The following MYO5C variants were observed in gnomAD, a reference collection of about 807,000 sequenced individuals.
The protein encoded by MYO5C is myosin VC.
A neutral mutation model predicts 235.7 loss-of-function variants in MYO5C; 194 were observed. That is an observed-to-expected ratio of 0.82 (90% confidence interval 0.73 to 0.93). The LOEUF is 0.93. Ranked by LOEUF, MYO5C falls within the 40% of genes least tolerant of loss-of-function variation. The probability of loss-of-function intolerance (pLI) is 0.00; values close to 1 mark genes in which losing one functional copy is unlikely to be tolerated. For missense variants in MYO5C, 2,038 were observed against 2,127.2 expected (o/e 0.96, Z 0.82); for synonymous variants, 707 against 754.8 (o/e 0.94, Z 1.04).
At chr15:52,241,250 C>CT (rs71130143) in intron 20 of MYO5C, among the ~76,000 whole-genome samples, 28 of 59,624 alleles carry the variant, frequency 4.7e-4, no homozygotes, top group African/African-American at 1.5e-3. Flanking sequence ...GTGGGCTAAT[C>CT]TTTTTTTTTT....
intron 1 of MYO5C, among the ~76,000 whole-genome samples, chr15:52,288,154 T>C (rs1056110036): frequency 6.6e-6 from 1 of 152,048 alleles, no homozygotes. Context: ...AGCCCCTAAC[T>C]GAAGCCCAGA....
intron 1 of MYO5C, among the ~76,000 whole-genome samples, chr15:52,283,541 G>A (rs1180852709): frequency 1.3e-5 from 2 of 152,262 alleles, no homozygotes; most frequent in South Asian, 2.1e-4. Flanking sequence ...GTAGAACCAC[G>A]TTGCTGTGGG....
chr15:52,280,495 C>T (rs902474897), intron 2 of MYO5C, among the ~76,000 whole-genome samples: 1 of 152,260 alleles, frequency 6.6e-6, no homozygotes, highest in Admixed American at 6.5e-5. Flanking sequence ...AATTCCTACA[C>T]TCCCATTTCA....
intron 24 of MYO5C, among the ~76,000 whole-genome samples, chr15:52,229,807 A>G (rs1454051152): frequency 6.6e-6 from 1 of 152,192 alleles, no homozygotes; most frequent in Non-Finnish European, 1.5e-5. Context: ...GTTAAAGACA[A>G]CTTCTTACAC....
chr15:52,193,911 A>T lies in MYO5C; in HGVS notation c.5220T>A (p.Asn1740Lys). The T allele has an allele frequency of 6.2e-7, 1 of 1,612,898 alleles. No homozygotes were observed. Among genetic ancestry groups the T allele is most frequent in the Non-Finnish European group, 8.5e-7 (1 of 1,179,682 alleles). ...TTGACTTTTTCTCCTGCTATAACCT[A>T]TTCAGAAAGCCTAGCTTGAAACTGC... is the stretch of plus-strand genomic sequence containing the variant. ...IPSSFKLGFL[N>K]RL The change falls in exon 41 of 41, where the codon AAT becomes AAA. Residue 1740 changes from asparagine (N) to lysine (K), a missense_variant. Asn to Lys is a moderately conservative substitution (Grantham distance 94). Transcript: ENST00000261839.
intron 3 of MYO5C, among the ~76,000 whole-genome samples, chr15:52,279,265 A>G (rs1331584988): frequency 1.3e-5 from 2 of 152,296 alleles, no homozygotes; most frequent in Non-Finnish European, 2.9e-5. Context: ...AGTGTAAGTA[A>G]TATCATTGCC....
chr15:52,214,019 A>T (rs1332259114), intron 33 of MYO5C, among the ~76,000 whole-genome samples: 1 of 152,216 alleles, frequency 6.6e-6, no homozygotes, highest in African/African-American at 2.4e-5. Flanking sequence ...AACAAGATAC[A>T]GCCTTGGCAG....
chr15:52,197,559 T>C (rs1457896470), intron 38 of MYO5C, among the ~76,000 whole-genome samples: 5 of 152,212 alleles, frequency 3.3e-5, no homozygotes, highest in African/African-American at 1.2e-4. Flanking sequence ...GAAAATGTTC[T>C]ATAATTACAT....
chr15:52,213,398 G>T, intron 33 of MYO5C, 112 bp from the exon 34 acceptor site: 1 of 717,948 alleles, frequency 1.4e-6, no homozygotes, highest in Non-Finnish European at 2.5e-6. Flanking sequence ...AATGTCTGTG[G>T]CTTTCAGATA....
intron 1 of MYO5C, among the ~76,000 whole-genome samples, chr15:52,292,846 A>G (rs1361294475): frequency 6.6e-6 from 1 of 152,258 alleles, no homozygotes; most frequent in Non-Finnish European, 1.5e-5. Context: ...GGTGACAGAC[A>G]GAGGCTCAGA....
chr15:52,267,229 G>A (rs62015969), intron 8 of MYO5C, among the ~76,000 whole-genome samples: 10 of 152,252 alleles, frequency 6.6e-5, no homozygotes, highest in African/African-American at 2.2e-4. Flanking sequence ...TTTACTCAAA[G>A]TATGGTGAGG....
intron 4 of MYO5C, among the ~76,000 whole-genome samples, chr15:52,277,378 C>A (rs570785268): frequency 1.3e-5 from 2 of 152,122 alleles, no homozygotes; most frequent in South Asian, 4.2e-4. Flanking sequence ...ACCTGGGAGA[C>A]CTACAGGGAG....
chr15:52,256,594 C>CGCGCGCGA (rs756003028), intron 11 of MYO5C, 45 bp downstream of exon 11: 1 of 1,469,794 alleles, frequency 6.8e-7, no homozygotes, highest in South Asian at 1.2e-5. Context: ...CACACGCGCG[C>CGCGCGCGA]GCGCGCGGCT....
At chr15:52,278,538 T>TA (rs67156072) in intron 4 of MYO5C, among the ~76,000 whole-genome samples, 9,148 of 137,232 alleles carry the variant, frequency 0.067, 875 homozygotes, top group East Asian at 0.49. Context: ...CTGCAATGGG[T>TA]AAAAAAAAAA....
chr15:52,228,296 A>G (rs2035874436), intron 25 of MYO5C, among the ~76,000 whole-genome samples: 3 of 152,132 alleles, frequency 2.0e-5, no homozygotes, highest in South Asian at 4.1e-4. Context: ...GGCACCTGCC[A>G]CCACGCCCAG....
At position 52,195,503 on chromosome 15, in the gene MYO5C, C is replaced by T. The variant is rs189220576; in HGVS notation, c.4996-46G>A. ...GGTGTTAGACCATGCAAAATAATAA[C>T]TCTGTTCATAAAATAATGGTTCTGG... On this transcript the variant is annotated intron_variant, in intron 39 of 40. Coordinates refer to ENST00000261839, the MANE Select transcript of MYO5C (RefSeq NM_018728.4). 42 of 1,309,412 alleles carry T rather than the reference C, an allele frequency of 3.2e-5. No homozygotes were observed. The Admixed American group carries it at 7.7e-4, about 24-fold the overall frequency. 81.1% of individuals were successfully genotyped at this position (1,309,412 alleles called of 1,614,324 possible). A position where few individuals can be genotyped will look rare whatever the true frequency, so the allele number is the denominator to read the frequency against.
rs764562845 is a variant in MYO5C at position 52,242,028 on chromosome 15, T to C, written c.2556+20A>G. On this transcript the variant is annotated intron_variant, in intron 20 of 40. Transcript: ENST00000261839. ...AAGGCCCGTACACCCTCCCTTCCTC[T>C]AGACAGAGGTTGGCCTCACCTTTCG... is the stretch of plus-strand genomic sequence containing the variant. The C allele has an allele frequency of 7.5e-6, 12 of 1,597,306 alleles. No homozygotes were observed. The highest frequency in any genetic ancestry group is 8.5e-7 in the Non-Finnish European group (1 of 1,172,284).
chr15:52,275,754 T>C, intron 4 of MYO5C, 36 bp from the exon 5 acceptor site: 1 of 1,608,332 alleles, frequency 6.2e-7, no homozygotes, highest in Non-Finnish European at 8.5e-7. Context: ...ATTAGTTTCT[T>C]CCCATTAAAG....
At chr15:52,258,481 C>A (rs1427337920) in intron 10 of MYO5C, among the ~76,000 whole-genome samples, 1 of 152,198 alleles carries the variant, frequency 6.6e-6, no homozygotes, top group East Asian at 1.9e-4. Flanking sequence ...TGGGGAGTCA[C>A]CAGCCTTCAT....
Sources: gnomAD v4.1 joint callset for allele counts (sites outside exome capture counted in the v4.1 genomes callset) on GRCh38, gnomAD v4.1.1 for gene constraint, MANE v1.5 for transcripts, NCBI Gene and HGNC (gene_info 2026-07-23, HGNC 2026-07-21) for gene names.